The following NAF1 variants were observed in gnomAD, a reference collection of about 807,000 sequenced individuals.
NAF1 encodes H/ACA ribonucleoprotein complex non-core subunit NAF1.
In NAF1, 11 loss-of-function variants were observed where a neutral mutation model predicts 40.6. The ratio of observed to expected loss-of-function variants is 0.27; its 90% CI spans 0.17 to 0.45. The LOEUF (loss-of-function observed/expected upper bound fraction) is 0.45, where lower values mean the gene tolerates loss of function less well. Ranked by LOEUF, NAF1 falls within the 20% of genes least tolerant of loss-of-function variation. The pLI is 1.00. For synonymous variants in NAF1, 260 were observed against 228.5 expected (o/e 1.14, Z -1.24); for missense variants, 607 against 611.1 (o/e 0.99, Z 0.07).
intron 6 of NAF1, 80 bp from the exon 7 acceptor site, chr4:163,133,336 T>C (rs1253473434): frequency 9.3e-7 from 1 of 1,075,318 alleles, no homozygotes; most frequent in Non-Finnish European, 1.4e-6. Flanking sequence ...GTGAAGAAAA[T>C]AAGCCTATTA....
At chr4:163,105,307 GC>G (rs1730035146), downstream of NAF1, among the ~76,000 whole-genome samples, 2 of 152,134 alleles carry the variant, frequency 1.3e-5, no homozygotes, top group African/African-American at 4.8e-5. Context: ...AGCTCTAATA[GC>G]ATTATTATAA....
At chr4:163,110,456 T>C (rs1354302245) in intron 2 of NAF1, among the ~76,000 whole-genome samples, 2 of 152,164 alleles carry the variant, frequency 1.3e-5, no homozygotes, top group Admixed American at 1.3e-4. Context: ...TATGTAAGTA[T>C]AGGAAAAATC....
downstream of NAF1, among the ~76,000 whole-genome samples, chr4:163,107,853 T>C (rs1198664516): frequency 5.9e-5 from 9 of 152,230 alleles, no homozygotes; most frequent in Non-Finnish European, 1.3e-4. Context: ...CTGTAATTAC[T>C]GTATGTATGT....
At chr4:163,105,057 C>T in the NAF1 span, among the ~76,000 whole-genome samples, 1 of 152,220 alleles carries the variant, frequency 6.6e-6, no homozygotes, top group East Asian at 1.9e-4. Flanking sequence ...AAGGGATCAG[C>T]AGCCCTCTAC....
intron 2 of NAF1, among the ~76,000 whole-genome samples, chr4:163,163,894 T>C (rs982934226): frequency 4.6e-5 from 7 of 152,078 alleles, no homozygotes; most frequent in Admixed American, 2.0e-4. Flanking sequence ...CAAAATTTTC[T>C]GACGTGCAGA....
chr4:163,118,752 CA>C (rs1405260051), intron 2 of NAF1, among the ~76,000 whole-genome samples: 1 of 148,668 alleles, frequency 6.7e-6, no homozygotes, highest in Admixed American at 6.7e-5. Flanking sequence ...GACGCTGTCT[CA>C]AAAAAAGAAA....
intron 3 of NAF1, among the ~76,000 whole-genome samples, chr4:163,148,106 G>A (rs1406808489): frequency 1.3e-5 from 2 of 151,874 alleles, no homozygotes; most frequent in African/African-American, 4.8e-5. Flanking sequence ...CCAAATCAAA[G>A]GAAATTCCGG....
At chr4:163,122,033 T>C (rs571490275), downstream of NAF1, among the ~76,000 whole-genome samples, 74 of 152,284 alleles carry the variant, frequency 4.9e-4, no homozygotes, top group South Asian at 2.1e-3. Flanking sequence ...CTAAAAACTT[T>C]TAAGTTAATA....
chr4:163,152,890 G>T lies in NAF1; in HGVS notation c.541-4456C>A, dbSNP rs111417613. ...CCGGGGCTGCGCGCGGCGCTTGCGG[G>T]CCAGCTGGAGTTCCGGGTGGGCATG... On this transcript the variant is annotated intron_variant, in intron 2 of 7. Coordinates refer to ENST00000274054, the MANE Select transcript of NAF1 (RefSeq NM_138386.3). 8.1e-3 allele frequency among the ~76,000 whole-genome samples: 1,241 copies of T among 152,310 alleles called. 18 individuals carry two copies. The highest frequency in any genetic ancestry group is 0.027 in the African/African-American group (1,137 of 41,578).
At position 163,166,407 on chromosome 4, in the gene NAF1, C is replaced by T. The variant is rs1284303440; in HGVS notation, c.321G>A (p.Ala107=). 2 of 1,607,532 alleles carry T rather than the reference C, an allele frequency of 1.2e-6. No individual in the cohort carries two copies. Among genetic ancestry groups the T allele is most frequent in the South Asian group, 2.2e-5 (2 of 90,628 alleles). The change falls in exon 1 of 8, where the codon GCG becomes GCA. Residue 107 remains alanine, a synonymous_variant. Coordinates refer to ENST00000274054, the MANE Select transcript of NAF1 (RefSeq NM_138386.3). ...AGTCCGAGGTCTCCAAGGAGTCCGG[C>T]GCCCGCGCAGGCTCTGCGGCTCCTG... ...TSPGAAEPAR[A]PDSLETSDSD... is the part of the protein sequence containing the mutation.
rs142639634 is a variant in NAF1, at chr4:163,113,636, G to A, written c.115-3346C>T. ...GTCTGTGTTTTCCAGGACAATTATA[G>A]AAGTTTCCTGGATCCCTACCCAGGT... is the stretch of plus-strand genomic sequence containing the variant. On this transcript the variant is annotated intron_variant, in intron 2 of 2. Transcript: ENST00000509434. Among the ~76,000 whole-genome samples the A allele has an allele frequency of 3.8e-3, 578 of 152,220 alleles. 6 individuals are homozygous for A. The highest frequency in any genetic ancestry group is 0.013 in the African/African-American group (553 of 41,538).
chr4:163,126,943 A>G (rs977418841), downstream of NAF1: 15 of 1,534,588 alleles, frequency 9.8e-6, no homozygotes, highest in Non-Finnish European at 1.2e-5. Flanking sequence ...GTATTCTCCA[A>G]TTGAGATATG....
chr4:163,119,979 A>G (rs1281387254), intron 2 of NAF1: 1 of 152,244 alleles, frequency 6.6e-6, no homozygotes, highest in Non-Finnish European at 1.5e-5. Flanking sequence ...ACCTAATCAA[A>G]AACAAAAACC....
downstream of NAF1, among the ~76,000 whole-genome samples, chr4:163,107,435 A>C (rs1042012782): frequency 5.9e-5 from 9 of 152,160 alleles, no homozygotes; most frequent in African/African-American, 2.2e-4. Context: ...GTCCAGGTAC[A>C]CTGTGCTCTC....
intron 2 of NAF1, among the ~76,000 whole-genome samples, chr4:163,153,607 G>A (rs1369049026): frequency 6.6e-6 from 1 of 152,182 alleles, no homozygotes. Flanking sequence ...CTCTGGTGGG[G>A]CCTTGGAGAA....
chr4:163,145,786 C>T lies in NAF1; in HGVS notation c.713G>A (p.Gly238Glu). 6.3e-6 allele frequency: 10 copies of T among 1,575,390 alleles called. No individual in the cohort carries two copies. The highest frequency in any genetic ancestry group is 8.7e-6 in the Non-Finnish European group (10 of 1,152,932). The change falls in exon 4 of 8, where the codon GGA (glycine) becomes GAA (glutamate). Residue 238 changes from glycine (G) to glutamate (E), a missense_variant. Gly to Glu is a moderately conservative substitution (Grantham distance 98). Coordinates refer to ENST00000274054, the MANE Select transcript of NAF1 (RefSeq NM_138386.3). ...VIFKSDRQAA[G>E]KIFEIFGPVA... ...GATTTGAAATGTTTTACAAACCTTTCCTGCTGCTTGTCGATCACTTTTAAA... is the reference window on the plus strand; with the variant it reads ...GATTTGAAATGTTTTACAAACCTTTTCTGCTGCTTGTCGATCACTTTTAAA...
chr4:163,142,906 C>A (rs1046835343), intron 4 of NAF1, among the ~76,000 whole-genome samples: 2 of 152,156 alleles, frequency 1.3e-5, no homozygotes, highest in African/African-American at 4.8e-5. Flanking sequence ...TAGGAGGCAC[C>A]CATATCCCTT....
intron 2 of NAF1, among the ~76,000 whole-genome samples, chr4:163,120,869 G>A (rs990237066): frequency 5.3e-5 from 8 of 152,004 alleles, no homozygotes; most frequent in Non-Finnish European, 1.0e-4. Context: ...GCTGCTAGTA[G>A]CTCAAAACAA....
chr4:163,123,454 T>C (rs1730569522), downstream of NAF1, among the ~76,000 whole-genome samples: 2 of 152,160 alleles, frequency 1.3e-5, no homozygotes, highest in African/African-American at 4.8e-5. Context: ...TGATCATAGC[T>C]CATTGGAGCC....
Sources: gnomAD v4.1 joint callset for allele counts (sites outside exome capture counted in the v4.1 genomes callset) on GRCh38, gnomAD v4.1.1 for gene constraint, MANE v1.5 for transcripts, NCBI Gene and HGNC (gene_info 2026-07-23, HGNC 2026-07-21) for gene names.